The following N4BP2L2 variants were observed in gnomAD, a reference collection of about 807,000 sequenced individuals.
N4BP2L2 encodes the protein NEDD4 binding protein 2 like 2.
N4BP2L2 carries 50 observed loss-of-function variants against 56.2 expected under a neutral mutation model. The observed-to-expected ratio is 0.89, with a 90% CI of 0.71 to 1.13. N4BP2L2 has a LOEUF of 1.13. Ranked by LOEUF, N4BP2L2 falls within the 50% of genes most tolerant of loss-of-function variation. The pLI is 0.00. For missense variants in N4BP2L2, 689 were observed against 693.8 expected, an observed-to-expected ratio of 0.99 and a Z score of 0.08; for synonymous variants, 203 against 223.6, an observed-to-expected ratio of 0.91 and a Z score of 0.82.
chr13:32,441,211 C>G (rs1013522388), intron 7 of N4BP2L2, among the ~76,000 whole-genome samples: 5 of 152,176 alleles, frequency 3.3e-5, no homozygotes, highest in Admixed American at 2.6e-4. Flanking sequence ...AGTCAGGCTT[C>G]CACCTCATCC....
chr13:32,534,921 T>C (rs185888826), intron 2 of N4BP2L2, among the ~76,000 whole-genome samples: 12 of 152,304 alleles, frequency 7.9e-5, no homozygotes, highest in African/African-American at 2.6e-4. Flanking sequence ...AGTGCATCAA[T>C]AGTTTAAAAA....
chr13:32,536,121 T>G (rs771544594), exon 2 of N4BP2L2: 1 of 1,614,142 alleles, frequency 6.2e-7, no homozygotes, highest in South Asian at 1.1e-5. Flanking sequence ...TGGAAAATAT[T>G]TGATGGTGGA....
At chr13:32,474,470 A>T (rs530215762) in intron 6 of N4BP2L2, among the ~76,000 whole-genome samples, 2 of 151,686 alleles carry the variant, frequency 1.3e-5, no homozygotes, top group African/African-American at 4.8e-5. Context: ...TGGGCGAATC[A>T]CCTGAGGTCA....
intron 3 of N4BP2L2, chr13:32,524,156 T>A (rs1049103493): frequency 2.0e-5 from 3 of 152,224 alleles, no homozygotes; most frequent in African/African-American, 7.2e-5. Flanking sequence ...AAATTTAGAA[T>A]TTGGGTCATA....
At chr13:32,436,008 T>A (rs1430695450) in intron 9 of N4BP2L2, among the ~76,000 whole-genome samples, 1 of 152,212 alleles carries the variant, frequency 6.6e-6, no homozygotes, top group Non-Finnish European at 1.5e-5. Context: ...AATATTTAAG[T>A]AGAACCTACA....
chr13:32,520,381 G>A (rs2050494507), intron 5 of N4BP2L2, among the ~76,000 whole-genome samples: 1 of 150,938 alleles, frequency 6.6e-6, no homozygotes, highest in Non-Finnish European at 1.5e-5. Flanking sequence ...AAGGCCAGGC[G>A]TGGTGGCTCA....
At chr13:32,436,283 T>C (rs538410166) in intron 9 of N4BP2L2, 3 of 660,590 alleles carry the variant, frequency 4.5e-6, no homozygotes, top group East Asian at 3.4e-5. Context: ...ATAATACATA[T>C]GAGCTATTAC....
intron 2 of N4BP2L2, among the ~76,000 whole-genome samples, chr13:32,528,934 T>C (rs1326901788): frequency 6.6e-6 from 1 of 152,184 alleles, no homozygotes; most frequent in African/African-American, 2.4e-5. Context: ...CTCAAGCCCT[T>C]GATATAAAAA....
chr13:32,535,477 T>G (rs931590023), intron 2 of N4BP2L2, among the ~76,000 whole-genome samples: 1 of 152,260 alleles, frequency 6.6e-6, no homozygotes, highest in African/African-American at 2.4e-5. Flanking sequence ...CACTGTCAGA[T>G]GCTATTCTCA....
At chr13:32,443,388 G>A in exon 7 of N4BP2L2, 1 of 1,613,920 alleles carries the variant, frequency 6.2e-7, no homozygotes, top group Non-Finnish European at 8.5e-7. Context: ...TACCAAAATA[G>A]GGCTGTCTGT....
intron 6 of N4BP2L2, among the ~76,000 whole-genome samples, chr13:32,496,979 A>G (rs1165863318): frequency 1.3e-5 from 2 of 152,234 alleles, no homozygotes; most frequent in Non-Finnish European, 1.5e-5. Context: ...AGGCCAGCCC[A>G]TATTACAGTA....
At chr13:32,444,970 C>T (rs1313682731) in intron 6 of N4BP2L2, among the ~76,000 whole-genome samples, 2 of 152,126 alleles carry the variant, frequency 1.3e-5, no homozygotes, top group African/African-American at 4.8e-5. Flanking sequence ...ATCTAGAGGC[C>T]AGGCATGGTG....
intron 6 of N4BP2L2, among the ~76,000 whole-genome samples, chr13:32,497,086 AGGGG>A (rs1208546201): frequency 2.0e-5 from 3 of 152,186 alleles, no homozygotes; most frequent in African/African-American, 7.2e-5. Context: ...CAAGAAAAAG[AGGGG>A]TTTCATTAAA....
exon 6 of N4BP2L2, chr13:32,513,517 T>C (rs971466990): frequency 6.6e-6 from 1 of 152,154 alleles, no homozygotes; most frequent in Non-Finnish European, 1.5e-5. Flanking sequence ...CACCAAACAT[T>C]CATTAATCCC....
At chr13:32,480,434 G>A (rs2139124621) in intron 6 of N4BP2L2, among the ~76,000 whole-genome samples, 1 of 152,294 alleles carries the variant, frequency 6.6e-6, no homozygotes, top group South Asian at 2.1e-4. Flanking sequence ...TCACTTGACA[G>A]GGAATTTTAG....
At chr13:32,448,102 A>C (rs1566035401) in intron 6 of N4BP2L2, among the ~76,000 whole-genome samples, 1 of 152,214 alleles carries the variant, frequency 6.6e-6, no homozygotes, top group Non-Finnish European at 1.5e-5. Flanking sequence ...GGAGCTCTAT[A>C]TAGCTACCCT....
At chr13:32,525,218 G>A (rs2052359897) in intron 3 of N4BP2L2, 1 of 151,870 alleles carries the variant, frequency 6.6e-6, no homozygotes, top group Admixed American at 6.6e-5. Flanking sequence ...TTGCAGAATT[G>A]CAATACCATC....
chr13:32,537,847 G>C (rs1324442390), intron 1 of N4BP2L2, among the ~76,000 whole-genome samples: 1 of 152,224 alleles, frequency 6.6e-6, no homozygotes, highest in Non-Finnish European at 1.5e-5. Context: ...TGAGGCGGGC[G>C]GATTGCTGCT....
intron 6 of N4BP2L2, among the ~76,000 whole-genome samples, chr13:32,462,458 TG>T (rs1004722416): frequency 1.6e-4 from 24 of 151,780 alleles, no homozygotes; most frequent in African/African-American, 5.8e-4. Flanking sequence ...TGTGGGTGAG[TG>T]GGTGGGGCGT....
Sources: gnomAD v4.1 joint callset for allele counts (sites outside exome capture counted in the v4.1 genomes callset) on GRCh38, gnomAD v4.1.1 for gene constraint, MANE v1.5 for transcripts, NCBI Gene and HGNC (gene_info 2026-07-23, HGNC 2026-07-21) for gene names.